Variants in CAB39L observed in about 807,000 individuals in gnomAD.
CAB39L encodes calcium binding protein 39 like.
A neutral mutation model predicts 39.1 loss-of-function variants in CAB39L; 23 were observed. The ratio of observed to expected loss-of-function variants is 0.59; its 90% CI spans 0.42 to 0.83. The LOEUF is 0.83. Among genes scored for constraint, CAB39L ranks in the 40% least tolerant of loss-of-function variants. CAB39L has a pLI of 0.00. For synonymous variants in CAB39L, 126 were observed against 137.2 expected (o/e 0.92, Z 0.57); for missense variants, 366 against 391.9 (o/e 0.93, Z 0.56).
chr13:49,346,097 C>CTATATATATATATATATA (rs1955153735), intron 7 of CAB39L, among the ~76,000 whole-genome samples: 2 of 8,680 alleles, frequency 2.3e-4, no homozygotes, highest in Admixed American at 2.2e-3. Flanking sequence ...TATATATATG[C>CTATATATATATATATATA]TAGATATATA....
intron 3 of CAB39L, among the ~76,000 whole-genome samples, chr13:49,387,816 T>C (rs1402590859): frequency 1.3e-5 from 2 of 152,078 alleles, no homozygotes; most frequent in African/African-American, 2.4e-5. Context: ...TATATGCACA[T>C]ATAAATACAC....
chr13:49,376,375 T>C (rs2138563395), intron 5 of CAB39L, among the ~76,000 whole-genome samples: 1 of 152,338 alleles, frequency 6.6e-6, no homozygotes, highest in South Asian at 2.1e-4. Flanking sequence ...ATAAAATGAC[T>C]AGACATATTC....
intron 10 of CAB39L, among the ~76,000 whole-genome samples, chr13:49,312,739 A>G (rs1048684047): frequency 6.6e-6 from 1 of 152,206 alleles, no homozygotes; most frequent in African/African-American, 2.4e-5. Context: ...ATCTATGAAC[A>G]TTTCATATTT....
intron 1 of CAB39L, among the ~76,000 whole-genome samples, chr13:49,443,294 C>T (rs1957577563): frequency 6.6e-6 from 1 of 151,284 alleles, no homozygotes; most frequent in South Asian, 2.1e-4. Context: ...ATTCTTCCTT[C>T]ACGCCCCGTT....
At chr13:49,357,922 T>TTGTC (rs1294319096) in intron 6 of CAB39L, among the ~76,000 whole-genome samples, 1 of 152,224 alleles carries the variant, frequency 6.6e-6, no homozygotes, top group Non-Finnish European at 1.5e-5. Context: ...CACAGAACTC[T>TTGTC]AGTCACACCA....
At chr13:49,432,965 C>A (rs74721617) in intron 3 of CAB39L, among the ~76,000 whole-genome samples, 55 of 152,280 alleles carry the variant, frequency 3.6e-4, no homozygotes, top group Non-Finnish European at 7.5e-4. Context: ...TCCATGGATG[C>A]CCCCAAAGTA....
At chr13:49,330,526 G>T (rs545494818) in intron 10 of CAB39L, among the ~76,000 whole-genome samples, 129 of 152,208 alleles carry the variant, frequency 8.5e-4, no homozygotes, top group African/African-American at 3.1e-3. Flanking sequence ...TTAGAAGGCT[G>T]AGGTGGGAGA....
At position 49,357,480 on chromosome 13, in the gene CAB39L, T is replaced by C. The variant is rs79819200; in HGVS notation, c.395+2234A>G. Among the ~76,000 whole-genome samples the C allele has an allele frequency of 7.2e-4, 109 of 152,318 alleles. 2 individuals are homozygous for C. The East Asian group carries it at 0.018, about 26-fold the overall frequency. The stretch of plus-strand genomic sequence containing the variant: ...GGGTTGAAAAACAGAAGAATAATCA[T>C]TGCAATAGAGAATTAAAACCAGAGG... On this transcript the variant is annotated intron_variant, in intron 6 of 10. Transcript: ENST00000409308.
In CAB39L at chr13:49,377,119, C is replaced by G. The variant is rs760802208; in HGVS notation, c.124G>C (p.Val42Leu). The change falls in exon 5 of 11, where the codon GTG becomes CTG. Residue 42 changes from valine (V) to leucine (L), a missense_variant. By Grantham distance (32) the Val-to-Leu change is conservative. Coordinates refer to ENST00000409308, the MANE Select transcript of CAB39L (RefSeq NM_001079670.3). ...DKKTDKASEE[V>L]SKSLQAMKEI... ...TTCATTGCTTGCAGTGATTTAGACA[C>G]TTCTTCTGAAGCCTAGTGACCAAAA... 52 of 1,613,020 alleles carry G rather than the reference C, an allele frequency of 3.2e-5. No homozygotes were observed. Among genetic ancestry groups the G allele is most frequent in the Middle Eastern group, 1.6e-4 (1 of 6,066 alleles).
At chr13:49,386,327 T>A (rs565009135) in intron 3 of CAB39L, among the ~76,000 whole-genome samples, 198 of 152,288 alleles carry the variant, frequency 1.3e-3, no homozygotes, top group African/African-American at 4.6e-3. Context: ...CCCCTTTTCA[T>A]CTGATGGTGG....
At chr13:49,317,351 G>A (rs571175732) in intron 10 of CAB39L, among the ~76,000 whole-genome samples, 136 of 151,956 alleles carry the variant, frequency 8.9e-4, no homozygotes, top group Admixed American at 1.8e-3. Flanking sequence ...GGAACATGGC[G>A]AAACCCCCTC....
At chr13:49,357,380 C>A (rs1955515949) in intron 6 of CAB39L, among the ~76,000 whole-genome samples, 1 of 152,196 alleles carries the variant, frequency 6.6e-6, no homozygotes, top group East Asian at 1.9e-4. Context: ...AAAGACATTA[C>A]AACAGCTGGC....
chr13:49,375,755 C>T (rs1477268366), intron 5 of CAB39L, among the ~76,000 whole-genome samples: 1 of 150,774 alleles, frequency 6.6e-6, no homozygotes, highest in Non-Finnish European at 1.5e-5. Flanking sequence ...TGTAACAAAC[C>T]TGCACGTTGT....
At chr13:49,361,295 T>C (rs961225497) in intron 5 of CAB39L, among the ~76,000 whole-genome samples, 1 of 151,824 alleles carries the variant, frequency 6.6e-6, no homozygotes, top group African/African-American at 2.4e-5. Flanking sequence ...CTGGCCAATA[T>C]GGTGAAACCC....
chr13:49,339,978 A>G (rs1954959085), intron 8 of CAB39L, among the ~76,000 whole-genome samples: 1 of 152,204 alleles, frequency 6.6e-6, no homozygotes, highest in South Asian at 2.1e-4. Flanking sequence ...TCCTTCCAAT[A>G]AATCATTTTG....
At chr13:49,410,885 T>C (rs1363670151) in intron 3 of CAB39L, among the ~76,000 whole-genome samples, 1 of 152,186 alleles carries the variant, frequency 6.6e-6, no homozygotes, top group Non-Finnish European at 1.5e-5. Flanking sequence ...TGAAGACTTA[T>C]AAAACATGAT....
chr13:49,365,073 C>G (rs1447588822), intron 5 of CAB39L, among the ~76,000 whole-genome samples: 1 of 152,106 alleles, frequency 6.6e-6, no homozygotes, highest in Non-Finnish European at 1.5e-5. Flanking sequence ...GTAACCAAAA[C>G]AGCATGATAC....
At chr13:49,323,500 G>C (rs942195561) in intron 10 of CAB39L, among the ~76,000 whole-genome samples, 1 of 152,194 alleles carries the variant, frequency 6.6e-6, no homozygotes, top group Non-Finnish European at 1.5e-5. Context: ...AAGGTCTGGC[G>C]AATGTGATGA....
At chr13:49,387,991 A>T (rs1029927043) in intron 3 of CAB39L, among the ~76,000 whole-genome samples, 3 of 152,220 alleles carry the variant, frequency 2.0e-5, no homozygotes, top group South Asian at 2.1e-4. Flanking sequence ...TGAACAAGGA[A>T]ATACGAAACA....
Sources: allele counts gnomAD v4.1 joint callset (sites outside exome capture counted in the v4.1 genomes callset), GRCh38; gene constraint gnomAD v4.1.1; transcripts MANE v1.5; gene names NCBI Gene and HGNC (gene_info 2026-07-23, HGNC 2026-07-21).